Variants in GRM8 observed in about 807,000 individuals in gnomAD.
The protein encoded by GRM8 is metabotropic glutamate receptor 8.
In GRM8, 47 loss-of-function variants were observed where a neutral mutation model predicts 87.2. The observed-to-expected ratio is 0.54, with a 90% CI of 0.43 to 0.69. The LOEUF is 0.69. GRM8 is among the 30% of genes least tolerant of loss of function. GRM8 has a pLI of 0.00. For missense variants in GRM8, 1,019 were observed against 1,139.2 expected, an observed-to-expected ratio of 0.89 and a Z score of 1.52; for synonymous variants, 396 against 404.5, an observed-to-expected ratio of 0.98 and a Z score of 0.25.
intron 9 of GRM8, among the ~76,000 whole-genome samples, chr7:126,471,371 G>T (rs1260348271): frequency 6.6e-6 from 1 of 152,114 alleles, no homozygotes; most frequent in Non-Finnish European, 1.5e-5. Context: ...TTGTGTATAA[G>T]GTGTAAGGAA....
At chr7:126,612,804 A>G (rs571418804) in intron 7 of GRM8, among the ~76,000 whole-genome samples, 1 of 152,278 alleles carries the variant, frequency 6.6e-6, no homozygotes, top group Non-Finnish European at 1.5e-5. Flanking sequence ...AATGATCCCA[A>G]GCAAATCCAT....
At chr7:127,026,768 C>G (rs540223818) in intron 3 of GRM8, among the ~76,000 whole-genome samples, 139 of 152,128 alleles carry the variant, frequency 9.1e-4, no homozygotes, top group South Asian at 1.9e-3. Flanking sequence ...GATTGCAAAA[C>G]TTTTCTCCCA....
chr7:127,138,823 T>C (rs755991603), intron 2 of GRM8, among the ~76,000 whole-genome samples: 25 of 152,040 alleles, frequency 1.6e-4, no homozygotes, highest in Non-Finnish European at 3.5e-4. Flanking sequence ...GCTCACCCTC[T>C]CTATCTTAAA....
intron 9 of GRM8, among the ~76,000 whole-genome samples, chr7:126,505,857 A>C (rs1810382638): frequency 6.6e-6 from 1 of 152,058 alleles, no homozygotes; most frequent in Non-Finnish European, 1.5e-5. Flanking sequence ...TGGTGAGAAC[A>C]CTTAAGATCT....
chr7:126,649,619 G>A (rs903361077), intron 7 of GRM8, among the ~76,000 whole-genome samples: 3 of 152,184 alleles, frequency 2.0e-5, no homozygotes, highest in Non-Finnish European at 4.4e-5. Flanking sequence ...AGTGGAGTCA[G>A]TAGAGACATT....
At chr7:126,691,510 G>T (rs764697494) in intron 7 of GRM8, among the ~76,000 whole-genome samples, 1 of 152,166 alleles carries the variant, frequency 6.6e-6, no homozygotes, top group Non-Finnish European at 1.5e-5. Context: ...AAGGGGGCAG[G>T]GCTTCCATCT....
At chr7:126,919,909 C>T (rs963043743) in intron 3 of GRM8, among the ~76,000 whole-genome samples, 2 of 152,140 alleles carry the variant, frequency 1.3e-5, no homozygotes, top group Non-Finnish European at 2.9e-5. Context: ...TGTTGCATGG[C>T]CTGGCCTCTT....
chr7:127,170,110 G>C (rs1407720082), intron 2 of GRM8, among the ~76,000 whole-genome samples: 1 of 151,926 alleles, frequency 6.6e-6, no homozygotes, highest in African/African-American at 2.4e-5. Flanking sequence ...AATGAATCTG[G>C]GCAAAATATG....
chr7:127,081,145 A>T (rs1822824543), intron 3 of GRM8, among the ~76,000 whole-genome samples: 1 of 152,118 alleles, frequency 6.6e-6, no homozygotes, highest in Non-Finnish European at 1.5e-5. Context: ...AATAGCACGA[A>T]AGGTCCTTTC....
chr7:126,811,141 T>C (rs1400050731), intron 6 of GRM8, among the ~76,000 whole-genome samples: 2 of 152,126 alleles, frequency 1.3e-5, no homozygotes, highest in Non-Finnish European at 2.9e-5. Flanking sequence ...ATTCCCAATG[T>C]ATGTTCTTGT....
rs192267298 is a variant in GRM8 at position 126,547,514 on chromosome 7, T to A, written c.1495-13627A>T. Among the ~76,000 whole-genome samples, 179 of 152,014 alleles carry A rather than the reference T, an allele frequency of 1.2e-3. 1 individual carries two copies. The highest frequency in any genetic ancestry group is 4.1e-3 in the African/African-American group (172 of 41,534). On this transcript the variant is annotated intron_variant, in intron 8 of 10. Transcript: ENST00000339582. ...ATTCATAATAAATTATAATTCTGGA[T>A]AATAATTATAATTGATTATAATCTC...
At chr7:127,109,119 A>G (rs1207258353) in intron 2 of GRM8, among the ~76,000 whole-genome samples, 1 of 152,182 alleles carries the variant, frequency 6.6e-6, no homozygotes, top group African/African-American at 2.4e-5. Flanking sequence ...AAAGACCTGG[A>G]ATGTTCCTTT....
chr7:126,754,567 A>C lies in GRM8; in HGVS notation c.1357+15298T>G, dbSNP rs910292074. The stretch of plus-strand genomic sequence containing the variant: ...AGCAATTCAAAATCTACTTTTACTC[A>C]ATATCTCTATGAAGTTAGAAAAATT... On this transcript the variant is annotated intron_variant, in intron 7 of 10. Transcript: ENST00000339582. Among the ~76,000 whole-genome samples, 5 of 152,052 alleles carry C rather than the reference A, an allele frequency of 3.3e-5. No homozygotes were observed. In the East Asian group the frequency reaches 9.7e-4, roughly 29 times the overall value.
chr7:126,598,094 T>C (rs2299474), intron 8 of GRM8, among the ~76,000 whole-genome samples: 46,939 of 151,940 alleles, frequency 0.31, 8,135 homozygotes, highest in East Asian at 0.44. Flanking sequence ...CTGCCTTTGC[T>C]AACCATCATT....
intron 9 of GRM8, among the ~76,000 whole-genome samples, chr7:126,522,922 T>C (rs1813214738): frequency 6.6e-6 from 1 of 152,222 alleles, no homozygotes; most frequent in African/African-American, 2.4e-5. Context: ...TGACTTCTTA[T>C]TCATTTTTGC....
intron 3 of GRM8, among the ~76,000 whole-genome samples, chr7:127,076,559 C>T (rs1822282786): frequency 6.6e-6 from 1 of 151,998 alleles, no homozygotes. Context: ...TAAGTTTCCT[C>T]CATTCTTCTC....
In GRM8 at chr7:126,788,420, A is replaced by AAAAAAAACAAAAAAC; in HGVS notation, c.1157-18356_1157-18355insGTTTTTTGTTTTTTT. On this transcript the variant is annotated intron_variant, in intron 6 of 10. Coordinates refer to ENST00000339582, the MANE Select transcript of GRM8 (RefSeq NM_000845.3). ...GCAAGACTCCATCTCAAAAAAAAAAAAAACCCTTTCAGATATCTTTAACAT... is the reference window on the plus strand; with the variant it reads ...GCAAGACTCCATCTCAAAAAAAAAAAAAAAAAACAAAAAACAAACCCTTTCAGATATCTTTAACAT... 4.7e-4 allele frequency among the ~76,000 whole-genome samples: 38 copies of AAAAAAAACAAAAAAC among 81,134 alleles called. 3 individuals are homozygous for AAAAAAAACAAAAAAC. Among genetic ancestry groups the AAAAAAAACAAAAAAC allele is most frequent in the African/African-American group, 1.5e-3 (32 of 21,824 alleles). The allele number at this position is 81,134 out of a possible 152,430, so 53.2% of individuals were successfully genotyped here.
At chr7:126,544,943 A>G (rs971692020) in intron 8 of GRM8, among the ~76,000 whole-genome samples, 2 of 152,222 alleles carry the variant, frequency 1.3e-5, no homozygotes, top group Non-Finnish European at 2.9e-5. Context: ...TCTAAAAATT[A>G]TATCAGAAGC....
intron 9 of GRM8, among the ~76,000 whole-genome samples, chr7:126,488,651 A>C (rs77282746): frequency 2.6e-5 from 4 of 152,030 alleles, no homozygotes; most frequent in African/African-American, 4.8e-5. Flanking sequence ...GCCATTCCAG[A>C]TCTCTGAACT....
Sources: allele counts gnomAD v4.1 joint callset (sites outside exome capture counted in the v4.1 genomes callset), GRCh38; gene constraint gnomAD v4.1.1; transcripts MANE v1.5; gene names NCBI Gene and HGNC (gene_info 2026-07-23, HGNC 2026-07-21).